SPON1: variants seen among roughly 807,000 people sequenced by gnomAD.
SPON1 encodes the protein spondin-1.
In SPON1, 52 loss-of-function variants were observed where a neutral mutation model predicts 111.7. The ratio of observed to expected loss-of-function variants is 0.47; its 90% CI spans 0.37 to 0.59. SPON1 has a LOEUF of 0.59. Ranked by LOEUF, SPON1 falls within the 20% of genes least tolerant of loss-of-function variation. The pLI is 0.00. For synonymous variants in SPON1, 410 were observed against 395.8 expected (o/e 1.04, Z -0.43); for missense variants, 957 against 1,068.5 (o/e 0.90, Z 1.46).
intron 5 of SPON1, among the ~76,000 whole-genome samples, chr11:14,106,351 T>G (rs2133846195): frequency 6.6e-6 from 1 of 152,274 alleles, no homozygotes; most frequent in South Asian, 2.1e-4. Context: ...CAAAGACCAT[T>G]AACAACATTA....
intron 6 of SPON1, among the ~76,000 whole-genome samples, chr11:14,182,633 G>C (rs187708608): frequency 4.7e-4 from 72 of 152,242 alleles, no homozygotes; most frequent in African/African-American, 1.7e-3. Context: ...AGAGGCAAAT[G>C]GGAGCTAAAA....
chr11:14,025,748 G>T (rs1346152346), intron 2 of SPON1, among the ~76,000 whole-genome samples: 1 of 152,150 alleles, frequency 6.6e-6, no homozygotes, highest in African/African-American at 2.4e-5. Flanking sequence ...GACTCATCAG[G>T]TGAGACCATG....
intron 2 of SPON1, among the ~76,000 whole-genome samples, chr11:14,010,707 A>G (rs1214569445): frequency 7.9e-5 from 12 of 152,014 alleles, no homozygotes; most frequent in Non-Finnish European, 1.0e-4. Context: ...AGCAACCCAA[A>G]CTCTCTGAGG....
chr11:14,199,376 C>T (rs1348880598), intron 6 of SPON1, among the ~76,000 whole-genome samples: 1 of 152,072 alleles, frequency 6.6e-6, no homozygotes, highest in Non-Finnish European at 1.5e-5. Context: ...ACCCAGACCA[C>T]TCCTTCCCTT....
At position 14,266,317 on chromosome 11, in the gene SPON1, C is replaced by G. The variant is rs951901219; in HGVS notation, c.*630C>G. 1.3e-5 allele frequency: 2 copies of G among 151,972 alleles called. No individual in the cohort carries two copies. Among genetic ancestry groups the G allele is most frequent in the African/African-American group, 4.8e-5 (2 of 41,358 alleles). 9.4% of individuals were successfully genotyped at this position (151,972 alleles called of 1,614,324 possible). A position where few individuals can be genotyped will look rare whatever the true frequency, so the allele number is the denominator to read the frequency against. ...CCTGATATTGGTTCCTGATGCCCCC[C>G]CAACAAAAATAAATAAATAAATTAT... is the stretch of plus-strand genomic sequence containing the variant. On this transcript the variant is annotated 3_prime_UTR_variant, in exon 16 of 16. Transcript: ENST00000576479.
At chr11:14,215,812 G>A (rs1467193939) in intron 6 of SPON1, among the ~76,000 whole-genome samples, 3 of 152,232 alleles carry the variant, frequency 2.0e-5, no homozygotes, top group African/African-American at 7.2e-5. Flanking sequence ...ACACAGGCTG[G>A]TGGTCTATTT....
intron 6 of SPON1, among the ~76,000 whole-genome samples, chr11:14,210,039 G>C (rs1444280228): frequency 6.6e-6 from 1 of 152,114 alleles, no homozygotes; most frequent in Non-Finnish European, 1.5e-5. Context: ...TCGTATGTTT[G>C]TTGGCCATGT....
At chr11:14,212,943 C>T (rs541512944) in intron 6 of SPON1, among the ~76,000 whole-genome samples, 11 of 152,302 alleles carry the variant, frequency 7.2e-5, no homozygotes, top group Non-Finnish European at 1.6e-4. Context: ...GCCATCTAGA[C>T]TCTTCTTGCC....
intron 6 of SPON1, among the ~76,000 whole-genome samples, chr11:14,158,992 C>CTA (rs34345902): frequency 0.39 from 59,443 of 151,654 alleles, 11,879 homozygotes; most frequent in East Asian, 0.55. Flanking sequence ...ATATCTCTTA[C>CTA]TTTGTTTCTA....
At chr11:14,078,992 G>C (rs561089663) in intron 4 of SPON1, among the ~76,000 whole-genome samples, 2 of 151,900 alleles carry the variant, frequency 1.3e-5, no homozygotes, top group South Asian at 4.2e-4. Context: ...TAATATTTAA[G>C]AATAAATGTC....
chr11:14,006,186 G>A (rs1049645362), intron 2 of SPON1, among the ~76,000 whole-genome samples: 2 of 152,140 alleles, frequency 1.3e-5, no homozygotes, highest in African/African-American at 4.8e-5. Context: ...GCTAGTGCAA[G>A]GTTAGGGCTT....
At chr11:14,049,978 G>A (rs1312799313) in intron 3 of SPON1, among the ~76,000 whole-genome samples, 1 of 151,354 alleles carries the variant, frequency 6.6e-6, no homozygotes, top group Non-Finnish European at 1.5e-5. Context: ...TGGCCCTGTC[G>A]ATGCAATCCA....
intron 11 of SPON1, 105 bp downstream of exon 11, chr11:14,258,003 A>G (rs1439892758): frequency 9.2e-7 from 1 of 1,090,484 alleles, no homozygotes; most frequent in Non-Finnish European, 1.3e-6. Context: ...GGACCCTGAC[A>G]GTAGATGTCA....
Position 14,084,035 on chromosome 11 carries a change from G to A in SPON1, c.676+4014G>A, listed in dbSNP as rs909787800. ...CAGTATATAGCAGAAGTGCTTCTGC[G>A]TAGTTCCCAATTAGTCACACAGAAA... On this transcript the variant is annotated intron_variant, in intron 5 of 15. Transcript: ENST00000576479. 4.0e-5 allele frequency among the ~76,000 whole-genome samples: 6 copies of A among 151,886 alleles called. No homozygotes were observed. The East Asian group carries it at 5.8e-4, about 15-fold the overall frequency.
At chr11:14,230,372 G>A (rs965314985) in intron 6 of SPON1, among the ~76,000 whole-genome samples, 4 of 152,146 alleles carry the variant, frequency 2.6e-5, no homozygotes, top group South Asian at 2.1e-4. Context: ...TAACACCTGC[G>A]TCAGACATTT....
intron 3 of SPON1, among the ~76,000 whole-genome samples, chr11:14,051,975 A>C (rs1848710961): frequency 6.6e-6 from 1 of 152,146 alleles, no homozygotes; most frequent in Non-Finnish European, 1.5e-5. Flanking sequence ...CTGGGACTTC[A>C]ACTCACTTCT....
At position 13,962,816 on chromosome 11, in the gene SPON1, C is replaced by T. The variant is rs1398760508; in HGVS notation, c.-89C>T. 3 of 1,246,380 alleles carry T rather than the reference C, an allele frequency of 2.4e-6. No individual in the cohort carries two copies. Among genetic ancestry groups the T allele is most frequent in the Non-Finnish European group, 2.1e-6 (2 of 950,180 alleles). The allele number at this position is 1,246,380 out of a possible 1,614,324, so 77.2% of individuals were successfully genotyped here. On this transcript the variant is annotated 5_prime_UTR_variant, in exon 1 of 16. Transcript: ENST00000576479. Reference sequence around the variant, plus strand: ...GAGCTCCCTCTCTCCGCCGCGCCTCCGCCAGGTCGCGCCTTCGTCGGGACC... The same window carrying T: ...GAGCTCCCTCTCTCCGCCGCGCCTCTGCCAGGTCGCGCCTTCGTCGGGACC...
At chr11:14,233,758 CT>C (rs10610600) in intron 6 of SPON1, among the ~76,000 whole-genome samples, 13,318 of 96,728 alleles carry the variant, frequency 0.14, 499 homozygotes, top group East Asian at 0.23. Flanking sequence ...GTTTCTTTTT[CT>C]TTTTTTTTTT....
At chr11:14,078,283 T>C (rs1848933962) in intron 4 of SPON1, among the ~76,000 whole-genome samples, 1 of 152,204 alleles carries the variant, frequency 6.6e-6, no homozygotes, top group African/African-American at 2.4e-5. Flanking sequence ...CTCAGAAATA[T>C]CGTTAAGTTT....
Sources: gnomAD v4.1 joint callset for allele counts (sites outside exome capture counted in the v4.1 genomes callset) on GRCh38, gnomAD v4.1.1 for gene constraint, MANE v1.5 for transcripts, NCBI Gene and HGNC (gene_info 2026-07-23, HGNC 2026-07-21) for gene names.